The following TFEC variants were observed in gnomAD, a reference collection of about 807,000 sequenced individuals.
TFEC encodes the protein transcription factor EC.
TFEC carries 31 observed loss-of-function variants against 41.6 expected under a neutral mutation model. The observed-to-expected ratio is 0.74, with a 90% CI of 0.56 to 1.01. TFEC has a LOEUF of 1.01. Among genes scored for constraint, TFEC ranks in the 50% least tolerant of loss-of-function variants. The pLI, the probability that TFEC is intolerant of heterozygous loss-of-function variation, is 0.00. For missense variants in TFEC, 402 were observed against 404.1 expected, an observed-to-expected ratio of 0.99 and a Z score of 0.04; for synonymous variants, 143 against 140.6, an observed-to-expected ratio of 1.02 and a Z score of -0.12.
In TFEC at chr7:116,141,160, G is replaced by A. The variant is rs116733017; in HGVS notation, c.-69+18630C>T. Among the ~76,000 whole-genome samples, 1,219 of 152,204 alleles carry A rather than the reference G, an allele frequency of 8.0e-3. 20 individuals are homozygous for A. Among genetic ancestry groups the A allele is most frequent in the African/African-American group, 0.027 (1,140 of 41,522 alleles). On this transcript the variant is annotated intron_variant, in intron 1 of 8. Transcript: ENST00000484212. ...GAGTTGTTTCAGAGGTTCACAGGAG[G>A]AATGTATCAGTAAGGCAGGATATAG...
intron 1 of TFEC, among the ~76,000 whole-genome samples, chr7:116,011,426 T>C (rs956464190): frequency 2.6e-5 from 4 of 152,310 alleles, no homozygotes; most frequent in South Asian, 4.1e-4. Context: ...CTTCCCTGTA[T>C]ATAAAATTGT....
At chr7:116,158,798 A>G (rs1798919602) in intron 1 of TFEC, among the ~76,000 whole-genome samples, 1 of 152,096 alleles carries the variant, frequency 6.6e-6, no homozygotes, top group Admixed American at 6.6e-5. Context: ...AGTATTTCAC[A>G]AATCCTAATT....
At chr7:116,002,880 C>A (rs977721211) in intron 1 of TFEC, among the ~76,000 whole-genome samples, 1 of 151,972 alleles carries the variant, frequency 6.6e-6, no homozygotes, top group Non-Finnish European at 1.5e-5. Context: ...AACTCTAGGG[C>A]AACCACTAAA....
intron 6 of TFEC, among the ~76,000 whole-genome samples, chr7:115,949,858 A>T (rs1433316576): frequency 1.3e-5 from 2 of 152,164 alleles, no homozygotes; most frequent in African/African-American, 2.4e-5. Flanking sequence ...ATGGGATCTA[A>T]TTAAACTAAA....
intron 1 of TFEC, among the ~76,000 whole-genome samples, chr7:116,012,291 G>T (rs554174198): frequency 6.6e-6 from 1 of 152,156 alleles, no homozygotes; most frequent in South Asian, 2.1e-4. Context: ...AAGACATTTT[G>T]CTTCAGAAAT....
At chr7:116,051,651 T>C (rs974269588) in intron 3 of TFEC, among the ~76,000 whole-genome samples, 1 of 152,202 alleles carries the variant, frequency 6.6e-6, no homozygotes, top group Non-Finnish European at 1.5e-5. Context: ...CTTATGTATC[T>C]ACACACATAT....
chr7:116,025,766 G>C (rs950667567), intron 1 of TFEC, among the ~76,000 whole-genome samples: 1 of 152,158 alleles, frequency 6.6e-6, no homozygotes, highest in African/African-American at 2.4e-5. Flanking sequence ...GCTAATCCAT[G>C]TTCAGTTTAA....
chr7:115,957,456 T>G (rs1327899215), intron 3 of TFEC, among the ~76,000 whole-genome samples: 1 of 151,926 alleles, frequency 6.6e-6, no homozygotes, highest in Admixed American at 6.6e-5. Context: ...ATTCTTGAAC[T>G]GCTTCTTGGG....
intron 3 of TFEC, among the ~76,000 whole-genome samples, chr7:116,037,543 G>A (rs1468802293): frequency 1.3e-5 from 2 of 151,918 alleles, no homozygotes; most frequent in East Asian, 3.8e-4. Flanking sequence ...TCAAAAGTCA[G>A]ATTTTATTAC....
intron 3 of TFEC, among the ~76,000 whole-genome samples, chr7:116,047,193 A>C (rs1214466222): frequency 1.3e-5 from 2 of 152,174 alleles, no homozygotes; most frequent in African/African-American, 4.8e-5. Context: ...CCCATGGAGC[A>C]GGGCGGAGCA....
chr7:116,062,542 T>A (rs577983418), intron 3 of TFEC, among the ~76,000 whole-genome samples: 6 of 133,996 alleles, frequency 4.5e-5, no homozygotes, highest in Non-Finnish European at 9.5e-5. Flanking sequence ...TCATTCCTTT[T>A]TATAGCTGAG....
chr7:115,967,310 T>A (rs1170797546), intron 3 of TFEC, among the ~76,000 whole-genome samples: 1 of 151,666 alleles, frequency 6.6e-6, no homozygotes, highest in Non-Finnish European at 1.5e-5. Context: ...CTATATTGTG[T>A]TTTTTTGTGA....
chr7:115,941,037 A>G (rs1369337285), intron 7 of TFEC, 106 bp from the exon 8 acceptor site: 2 of 1,027,454 alleles, frequency 1.9e-6, no homozygotes, highest in African/African-American at 3.3e-5. Context: ...TTTAAAATGA[A>G]GAGTAATACA....
chr7:116,076,427 C>T (rs959864025), intron 3 of TFEC, among the ~76,000 whole-genome samples: 2 of 152,052 alleles, frequency 1.3e-5, no homozygotes, highest in Admixed American at 6.6e-5. Flanking sequence ...AAGATGAAAT[C>T]TCTGAATTGC....
At chr7:115,992,226 T>G (rs977496139) in intron 1 of TFEC, among the ~76,000 whole-genome samples, 3 of 152,192 alleles carry the variant, frequency 2.0e-5, no homozygotes, top group Non-Finnish European at 4.4e-5. Flanking sequence ...GGGAAATTTA[T>G]AGCACTAAAT....
At chr7:116,058,443 T>C (rs1188023109) in intron 3 of TFEC, among the ~76,000 whole-genome samples, 3 of 119,604 alleles carry the variant, frequency 2.5e-5, no homozygotes, top group Non-Finnish European at 5.6e-5. Context: ...TACCATTAAG[T>C]CAGATATCTT....
At chr7:116,092,190 C>T (rs1797344472) in intron 3 of TFEC, among the ~76,000 whole-genome samples, 1 of 152,158 alleles carries the variant, frequency 6.6e-6, no homozygotes, top group Admixed American at 6.6e-5. Context: ...CCAGTGAATT[C>T]CCCTGTGAAC....
chr7:115,955,329 T>C lies in TFEC; in HGVS notation c.383-687A>G, dbSNP rs560932929. ...TAGCTTGTTGTGGAAATGACTAGTA[T>C]GGTATCCAAGGCTAGATAATAGGAG... On this transcript the variant is annotated intron_variant, in intron 4 of 7. Coordinates refer to ENST00000265440, the MANE Select transcript of TFEC (RefSeq NM_012252.4). 6.6e-5 allele frequency among the ~76,000 whole-genome samples: 10 copies of C among 152,182 alleles called. No homozygotes were observed. The East Asian group carries it at 1.9e-3, about 29-fold the overall frequency.
chr7:115,968,166 C>G (rs1792959611), intron 3 of TFEC: 1 of 1,520,106 alleles, frequency 6.6e-7, no homozygotes, highest in African/African-American at 1.4e-5. Context: ...TGAAAGAATT[C>G]CAAAATATAC....
Sources: allele counts gnomAD v4.1 joint callset (sites outside exome capture counted in the v4.1 genomes callset), GRCh38; gene constraint gnomAD v4.1.1; transcripts MANE v1.5; gene names NCBI Gene and HGNC (gene_info 2026-07-23, HGNC 2026-07-21).